Variants in DOCK3 observed in about 807,000 individuals in gnomAD.
DOCK3 encodes dedicator of cytokinesis 3.
DOCK3 carries 60 observed loss-of-function variants against 265.6 expected under a neutral mutation model. The observed-to-expected ratio is 0.23, with a 90% CI of 0.18 to 0.28. The LOEUF (loss-of-function observed/expected upper bound fraction) is 0.28, where lower values mean the gene tolerates loss of function less well. Ranked by LOEUF, DOCK3 falls within the 10% of genes least tolerant of loss-of-function variation. The pLI is 1.00. For synonymous variants in DOCK3, 881 were observed against 938.0 expected, an observed-to-expected ratio of 0.94 and a Z score of 1.11; for missense variants, 1,981 against 2,594.3, an observed-to-expected ratio of 0.76 and a Z score of 5.14.
At chr3:50,759,262 G>C (rs926437735) in intron 1 of DOCK3, among the ~76,000 whole-genome samples, 1 of 151,902 alleles carries the variant, frequency 6.6e-6, no homozygotes, top group African/African-American at 2.4e-5. Flanking sequence ...TGATTATTCT[G>C]TTTAATTTTT....
At chr3:51,094,112 A>G (rs1263348551) in intron 9 of DOCK3, among the ~76,000 whole-genome samples, 1 of 152,012 alleles carries the variant, frequency 6.6e-6, no homozygotes, top group Admixed American at 6.6e-5. Flanking sequence ...TTCATCAGGG[A>G]TATTGGCCCG....
At chr3:51,170,465 G>A (rs990645875) in intron 12 of DOCK3, among the ~76,000 whole-genome samples, 2 of 151,632 alleles carry the variant, frequency 1.3e-5, no homozygotes, top group African/African-American at 4.8e-5. Context: ...ATTCAATCTT[G>A]GTAAGTTGTA....
chr3:50,784,895 G>A (rs965117644), intron 2 of DOCK3, among the ~76,000 whole-genome samples: 14 of 152,312 alleles, frequency 9.2e-5, no homozygotes, highest in East Asian at 3.9e-4. Flanking sequence ...GGTGGCTCAC[G>A]CCTATAATCC....
chr3:51,029,452 C>CAA, intron 5 of DOCK3, among the ~76,000 whole-genome samples: 1 of 152,192 alleles, frequency 6.6e-6, no homozygotes, highest in Non-Finnish European at 1.5e-5. Flanking sequence ...CATTCTTTTT[C>CAA]AGTGCACACC....
chr3:50,830,487 T>TA (rs2045076292), intron 2 of DOCK3, among the ~76,000 whole-genome samples: 1 of 152,364 alleles, frequency 6.6e-6, no homozygotes, highest in Non-Finnish European at 1.5e-5. Flanking sequence ...ACCTTTGGAA[T>TA]AAAAAACTTT....
At chr3:50,818,855 C>T (rs1461764628) in intron 2 of DOCK3, among the ~76,000 whole-genome samples, 1 of 152,158 alleles carries the variant, frequency 6.6e-6, no homozygotes, top group Non-Finnish European at 1.5e-5. Context: ...ATGTCATTTT[C>T]CCTATCCCAA....
intron 23 of DOCK3, 109 bp from the exon 24 acceptor site, chr3:51,270,706 A>T: frequency 8.5e-7 from 1 of 1,172,224 alleles, no homozygotes; most frequent in Non-Finnish European, 1.2e-6. Context: ...GAAGGCAGAG[A>T]TGCTACAGTG....
intron 1 of DOCK3, among the ~76,000 whole-genome samples, chr3:50,768,622 G>A (rs879772230): frequency 1.3e-5 from 2 of 152,172 alleles, no homozygotes; most frequent in Non-Finnish European, 2.9e-5. Flanking sequence ...ATTCTATTGT[G>A]TATATATACC....
chr3:50,869,326 T>C (rs2047315973), intron 3 of DOCK3, among the ~76,000 whole-genome samples: 1 of 148,602 alleles, frequency 6.7e-6, no homozygotes, highest in African/African-American at 2.5e-5. Flanking sequence ...TTCAATTTTA[T>C]TTATTTCTGC....
rs1254675240 is a variant in DOCK3, at chr3:51,375,910, G to A, written c.5500+75G>A. On this transcript the variant is annotated intron_variant, in intron 51 of 52. Coordinates refer to ENST00000266037, the MANE Select transcript of DOCK3 (RefSeq NM_004947.5). Reference sequence around the variant, plus strand: ...GTCTGACTCTTGTCCCTGAGTACCAGCTGGCCAGGGCTAAGCCATACTTCA... The same window carrying A: ...GTCTGACTCTTGTCCCTGAGTACCAACTGGCCAGGGCTAAGCCATACTTCA... The A allele has an allele frequency of 1.2e-5, 18 of 1,488,896 alleles. No homozygotes were observed. In the Admixed American group the frequency reaches 2.9e-4, roughly 24 times the overall value. 92.2% of individuals were successfully genotyped at this position (1,488,896 alleles called of 1,614,324 possible).
At chr3:51,371,375 G>C (rs947880954) in intron 49 of DOCK3, among the ~76,000 whole-genome samples, 3 of 152,228 alleles carry the variant, frequency 2.0e-5, no homozygotes, top group Non-Finnish European at 1.5e-5. Context: ...CAGTAAGAAA[G>C]AAAGCAAGTC....
In DOCK3 at chr3:51,053,094, T is replaced by G. The variant is rs1158246582; in HGVS notation, c.316-11354T>G. ...AAAGTCAAAGATATATATATATATA[T>G]ATATATATATATATATATATATATA... On this transcript the variant is annotated intron_variant, in intron 5 of 52. Coordinates refer to ENST00000266037, the MANE Select transcript of DOCK3 (RefSeq NM_004947.5). Among the ~76,000 whole-genome samples the G allele has an allele frequency of 2.0e-3, 164 of 81,886 alleles. 10 individuals are homozygous for G. The highest frequency in any genetic ancestry group is 7.2e-3 in the African/African-American group (158 of 21,836). 53.7% of individuals were successfully genotyped at this position (81,886 alleles called of 152,430 possible).
intron 21 of DOCK3, among the ~76,000 whole-genome samples, chr3:51,246,232 C>T (rs1385485695): frequency 2.3e-5 from 3 of 130,658 alleles, no homozygotes; most frequent in Admixed American, 7.9e-5. Flanking sequence ...TTTAGGAAAA[C>T]TTTTTTTTTT....
chr3:51,068,835 A>G (rs1307849457), intron 6 of DOCK3, among the ~76,000 whole-genome samples: 1 of 152,198 alleles, frequency 6.6e-6, no homozygotes, highest in Non-Finnish European at 1.5e-5. Flanking sequence ...TGTGAATACT[A>G]TTACATCCTG....
At chr3:51,195,390 G>C (rs1347999234) in intron 12 of DOCK3, among the ~76,000 whole-genome samples, 1 of 151,906 alleles carries the variant, frequency 6.6e-6, no homozygotes, top group Non-Finnish European at 1.5e-5. Context: ...TTGCCAAAGA[G>C]ATTTATATTT....
chr3:51,224,497 C>T (rs1368455791), intron 14 of DOCK3, among the ~76,000 whole-genome samples: 2 of 152,146 alleles, frequency 1.3e-5, no homozygotes, highest in Non-Finnish European at 2.9e-5. Flanking sequence ...ACTTGCTAAC[C>T]AAAAACAAAC....
At chr3:51,322,955 C>T (rs1278745672) in intron 32 of DOCK3, among the ~76,000 whole-genome samples, 1 of 32,776 alleles carries the variant, frequency 3.1e-5, no homozygotes, top group South Asian at 9.5e-4. Context: ...GGCATGCTTA[C>T]CAAGCAAATG....
intron 27 of DOCK3, among the ~76,000 whole-genome samples, chr3:51,289,311 G>C (rs947424875): frequency 1.2e-4 from 19 of 152,160 alleles, no homozygotes; most frequent in African/African-American, 4.6e-4. Flanking sequence ...GGGAATTAAA[G>C]TATAGAGTTT....
At chr3:51,192,240 T>G (rs2087988136) in intron 12 of DOCK3, among the ~76,000 whole-genome samples, 1 of 151,530 alleles carries the variant, frequency 6.6e-6, no homozygotes, top group African/African-American at 2.4e-5. Flanking sequence ...CTTTAATCCA[T>G]TATGTGTTGA....
Sources: gnomAD v4.1 joint callset for allele counts (sites outside exome capture counted in the v4.1 genomes callset) on GRCh38, gnomAD v4.1.1 for gene constraint, MANE v1.5 for transcripts, NCBI Gene and HGNC (gene_info 2026-07-23, HGNC 2026-07-21) for gene names.